Variants in GATAD2B observed in about 807,000 individuals in gnomAD.
GATAD2B encodes the protein transcriptional repressor p66-beta.
GATAD2B carries 8 observed loss-of-function variants against 64.3 expected under a neutral mutation model. That is an observed-to-expected ratio of 0.12 (90% CI 0.07 to 0.22). GATAD2B has a LOEUF of 0.22. GATAD2B is among the 10% of genes least tolerant of loss of function. The pLI, the probability that GATAD2B is intolerant of heterozygous loss-of-function variation, is 1.00. For synonymous variants in GATAD2B, 281 were observed against 271.3 expected, an observed-to-expected ratio of 1.04 and a Z score of -0.35; for missense variants, 453 against 752.0, an observed-to-expected ratio of 0.60 and a Z score of 4.65.
chr1:153,905,534 A>G (rs1322307460), intron 1 of GATAD2B, among the ~76,000 whole-genome samples: 3 of 151,010 alleles, frequency 2.0e-5, no homozygotes, highest in African/African-American at 7.3e-5. Context: ...AGGAAGCCCA[A>G]ACAGCCAAAA....
At position 153,811,862 on chromosome 1, in the gene GATAD2B, G is replaced by C. The variant is rs368995332; in HGVS notation, c.1531-14C>G. On this transcript the variant is annotated splice_polypyrimidine_tract_variant and intron_variant, in intron 9 of 10. Coordinates refer to ENST00000368655, the MANE Select transcript of GATAD2B (RefSeq NM_020699.4). ...GGGCTGTGGAGCCTGCAATGATGAG[G>C]AGACAGTGGATACAACTTTGATATG... The C allele has an allele frequency of 6.5e-7, 1 of 1,529,594 alleles. No individual in the cohort carries two copies. Among genetic ancestry groups the C allele is most frequent in the African/African-American group, 1.4e-5 (1 of 72,708 alleles). 94.8% of individuals were successfully genotyped at this position (1,529,594 alleles called of 1,614,324 possible). A position where few individuals can be genotyped will look rare whatever the true frequency, so the allele number is the denominator to read the frequency against.
intron 1 of GATAD2B, among the ~76,000 whole-genome samples, chr1:153,912,776 T>C (rs1395711955): frequency 6.6e-6 from 1 of 152,172 alleles, no homozygotes; most frequent in Non-Finnish European, 1.5e-5. Flanking sequence ...GTGAACATCA[T>C]TCAGATAACC....
At chr1:153,852,389 C>A in intron 1 of GATAD2B, 1 of 810,514 alleles carries the variant, frequency 1.2e-6, no homozygotes. Context: ...TTGGCCTGAC[C>A]TTGGATGTTC....
At chr1:153,825,435 A>T (rs541026908) in intron 2 of GATAD2B, among the ~76,000 whole-genome samples, 25 of 151,982 alleles carry the variant, frequency 1.6e-4, no homozygotes, top group East Asian at 1.2e-3. Context: ...GCTTTTTTTT[A>T]AAATGGAGAC....
chr1:153,888,304 A>G (rs895295650), intron 1 of GATAD2B, among the ~76,000 whole-genome samples: 9 of 152,178 alleles, frequency 5.9e-5, no homozygotes, highest in Admixed American at 5.9e-4. Context: ...ATGGAGCATT[A>G]TATTAGTATT....
intron 1 of GATAD2B, among the ~76,000 whole-genome samples, chr1:153,922,482 G>A (rs559611914): frequency 4.3e-4 from 64 of 149,388 alleles, no homozygotes; most frequent in African/African-American, 1.5e-3. Flanking sequence ...CGCGCGCCAA[G>A]GGGGGAGAGG....
Position 153,845,247 on chromosome 1 carries a change from A to G in GATAD2B, c.-1-16899T>C, listed in dbSNP as rs1675641780. Among the ~76,000 whole-genome samples, 3 of 152,270 alleles carry G rather than the reference A, an allele frequency of 2.0e-5. No individual in the cohort carries two copies. In the South Asian group the frequency reaches 6.2e-4, roughly 32 times the overall value. ...AACTCAGAAATACACCCTAATATTT[A>G]CGGTCAATTGATTTTTCAACAAGGG... On this transcript the variant is annotated intron_variant, in intron 1 of 10. Coordinates refer to ENST00000368655, the MANE Select transcript of GATAD2B (RefSeq NM_020699.4).
At chr1:153,811,651 C>T in intron 10 of GATAD2B, 80 bp downstream of exon 10, 1 of 837,496 alleles carries the variant, frequency 1.2e-6, no homozygotes, top group South Asian at 1.4e-5. Flanking sequence ...AGGAACAATT[C>T]CCTTAAAGGG....
intron 1 of GATAD2B, among the ~76,000 whole-genome samples, chr1:153,913,967 G>A (rs901412096): frequency 3.3e-5 from 5 of 149,540 alleles, no homozygotes; most frequent in Admixed American, 6.7e-5. Context: ...ACAAGGGGCC[G>A]AGCACAGTGG....
intron 1 of GATAD2B, among the ~76,000 whole-genome samples, chr1:153,829,206 G>C (rs995648104): frequency 6.6e-6 from 1 of 151,536 alleles, no homozygotes; most frequent in Non-Finnish European, 1.5e-5. Context: ...TCTCTCTCCA[G>C]GAAACAACAA....
At chr1:153,847,718 T>A (rs1675737964) in intron 1 of GATAD2B, among the ~76,000 whole-genome samples, 2 of 152,218 alleles carry the variant, frequency 1.3e-5, no homozygotes, top group Admixed American at 1.3e-4. Context: ...CTCCATTTTC[T>A]CTACCCTTCC....
intron 1 of GATAD2B, among the ~76,000 whole-genome samples, chr1:153,896,256 T>C (rs1251969785): frequency 1.3e-5 from 2 of 151,980 alleles, no homozygotes; most frequent in African/African-American, 4.8e-5. Context: ...AGATCCTGGC[T>C]CCTAATATTA....
chr1:153,812,366 C>G (rs1215675941), intron 8 of GATAD2B: 2 of 485,448 alleles, frequency 4.1e-6, no homozygotes, highest in Non-Finnish European at 3.6e-6. Context: ...TGGAGGTGTT[C>G]TTACCTCTAA....
At chr1:153,850,835 C>T (rs896326200) in intron 1 of GATAD2B, among the ~76,000 whole-genome samples, 4 of 151,786 alleles carry the variant, frequency 2.6e-5, no homozygotes, top group African/African-American at 4.8e-5. Context: ...GCAGGAGAAT[C>T]GCTTGAACCT....
In GATAD2B at chr1:153,813,291, G is replaced by T. The variant is rs765210326; in HGVS notation, c.1378C>A (p.Arg460=). The change falls in exon 8 of 11, where the codon CGG becomes AGG. Residue 460 remains arginine (R), a synonymous_variant. Transcript: ENST00000368655. ...KKALKAEHTN[R]LKNAFVKALQ... ...GCTTTCACAAATGCATTTTTCAGCCGGTTGGTGTGTTCAGCTTTTAGAGCC... is the reference window on the plus strand; with the variant it reads ...GCTTTCACAAATGCATTTTTCAGCCTGTTGGTGTGTTCAGCTTTTAGAGCC... 6.2e-7 allele frequency: 1 copy of T among 1,614,088 alleles called. No individual in the cohort carries two copies. Among genetic ancestry groups the T allele is most frequent in the East Asian group, 2.2e-5 (1 of 44,882 alleles).
At chr1:153,880,445 C>A (rs1676975622) in intron 1 of GATAD2B, among the ~76,000 whole-genome samples, 1 of 151,050 alleles carries the variant, frequency 6.6e-6, no homozygotes, top group Non-Finnish European at 1.5e-5. Context: ...CCAGCCTGGG[C>A]TACCAAGTGA....
At position 153,828,219 on chromosome 1, in the gene GATAD2B, C is replaced by G. The variant is rs1187599718; in HGVS notation, c.129G>C (p.Leu43=). The change falls in exon 2 of 11, where the codon CTG becomes CTC. Residue 43 remains leucine, a synonymous_variant. Coordinates refer to ENST00000368655, the MANE Select transcript of GATAD2B (RefSeq NM_020699.4). ...TCCTTTTGAGCAATGCCAACATTTT[C>G]AGACGTTCCATGGCCTCATGCCCCT... ...KMEGHEAMER[L]KMLALLKRKD... is the part of the protein sequence containing the mutation. The G allele has an allele frequency of 6.2e-7, 1 of 1,614,224 alleles. No individual in the cohort carries two copies. Among genetic ancestry groups the G allele is most frequent in the Non-Finnish European group, 8.5e-7 (1 of 1,180,040 alleles).
In GATAD2B at chr1:153,840,727, A is replaced by T. The variant is rs547184219; in HGVS notation, c.-1-12379T>A. On this transcript the variant is annotated intron_variant, in intron 1 of 10. Transcript: ENST00000368655. ...TGAAGTAAATATTAATAAGCAGAAA[A>T]TTTTCATTTTTATGTTTCCACTATT... is the stretch of plus-strand genomic sequence containing the variant. 7.9e-5 allele frequency among the ~76,000 whole-genome samples: 12 copies of T among 152,188 alleles called. 1 individual carries two copies. The South Asian group carries it at 2.5e-3, about 32-fold the overall frequency.
intron 1 of GATAD2B, among the ~76,000 whole-genome samples, chr1:153,896,433 C>CT (rs35275252): frequency 0.031 from 3,613 of 115,938 alleles, 177 homozygotes; most frequent in African/African-American, 0.096. Flanking sequence ...GTAAAATTTT[C>CT]TTTTTTTTTT....
Sources: gnomAD v4.1 joint callset for allele counts (sites outside exome capture counted in the v4.1 genomes callset) on GRCh38, gnomAD v4.1.1 for gene constraint, MANE v1.5 for transcripts, NCBI Gene and HGNC (gene_info 2026-07-23, HGNC 2026-07-21) for gene names.